The following TCF7L1 variants were observed in gnomAD, a reference collection of about 807,000 sequenced individuals.
TCF7L1 encodes transcription factor 7-like 1.
A neutral mutation model predicts 63.7 loss-of-function variants in TCF7L1; 18 were observed. The ratio of observed to expected loss-of-function variants is 0.28; its 90% CI spans 0.20 to 0.42. TCF7L1 has a LOEUF of 0.42. TCF7L1 is among the 10% of genes least tolerant of loss of function. TCF7L1 has a pLI of 1.00. For synonymous variants in TCF7L1, 355 were observed against 340.9 expected (o/e 1.04, Z -0.46); for missense variants, 654 against 779.3 (o/e 0.84, Z 1.91).
At chr2:85,168,551 C>T (rs996882757) in intron 3 of TCF7L1, among the ~76,000 whole-genome samples, 7 of 151,568 alleles carry the variant, frequency 4.6e-5, no homozygotes, top group Admixed American at 2.6e-4. Context: ...ATCCACCCAC[C>T]GCCTGGTAGA....
chr2:85,224,247 A>G lies in TCF7L1; in HGVS notation c.442-59248A>G, dbSNP rs149521336. On this transcript the variant is annotated intron_variant, in intron 3 of 11. Transcript: ENST00000282111. ...TATTGTGAATAGTGCCACAGTAAAC[A>G]TACATGTGCATATGTCTTTATAGTA... Among the ~76,000 whole-genome samples, 491 of 152,350 alleles carry G rather than the reference A, an allele frequency of 3.2e-3. 3 individuals are homozygous for G. Among genetic ancestry groups the G allele is most frequent in the African/African-American group, 0.011 (474 of 41,576 alleles).
At chr2:85,147,122 G>A (rs1028067411) in intron 3 of TCF7L1, among the ~76,000 whole-genome samples, 5 of 151,400 alleles carry the variant, frequency 3.3e-5, no homozygotes, top group Non-Finnish European at 7.4e-5. Context: ...GGAAAAGTTC[G>A]GAATTAAAAA....
chr2:85,210,855 A>G (rs1274936145), intron 3 of TCF7L1, among the ~76,000 whole-genome samples: 1 of 152,166 alleles, frequency 6.6e-6, no homozygotes, highest in Non-Finnish European at 1.5e-5. Context: ...TTACCTCCAC[A>G]TGCAGGGAGG....
At chr2:85,225,234 T>C (rs1679930919) in intron 3 of TCF7L1, among the ~76,000 whole-genome samples, 1 of 152,214 alleles carries the variant, frequency 6.6e-6, no homozygotes, top group Non-Finnish European at 1.5e-5. Context: ...CTTTGTTCTT[T>C]TTGCTTAGGA....
intron 4 of TCF7L1, among the ~76,000 whole-genome samples, chr2:85,296,708 A>T (rs1681844966): frequency 6.6e-6 from 1 of 151,960 alleles, no homozygotes. Context: ...TGAAATTCTT[A>T]CTCATGTCTC....
chr2:85,291,494 G>A (rs572233431), intron 4 of TCF7L1, among the ~76,000 whole-genome samples: 41 of 152,238 alleles, frequency 2.7e-4, no homozygotes, highest in Admixed American at 1.1e-3. Flanking sequence ...AAGCCTCACC[G>A]GAAGCACCTT....
chr2:85,216,009 G>T (rs1000563957), intron 3 of TCF7L1, among the ~76,000 whole-genome samples: 14 of 152,140 alleles, frequency 9.2e-5, no homozygotes, highest in Non-Finnish European at 1.5e-5. Flanking sequence ...TGAAATGTTG[G>T]CGCTGGGCGG....
chr2:85,275,432 T>C (rs970909561), intron 3 of TCF7L1, among the ~76,000 whole-genome samples: 1 of 152,166 alleles, frequency 6.6e-6, no homozygotes, highest in Non-Finnish European at 1.5e-5. Context: ...AAAGAATCAT[T>C]TGGGGAAAGC....
chr2:85,309,477 C>T lies in TCF7L1; in HGVS notation c.*15C>T. ...CTGCCCACTAAGCTCCCCCCGACCC[C>T]TGCAGGCTGTCACATGACTCATTGA... On this transcript the variant is annotated 3_prime_UTR_variant, in exon 12 of 12. Coordinates refer to ENST00000282111, the MANE Select transcript of TCF7L1 (RefSeq NM_031283.3). The T allele has an allele frequency of 6.6e-7, 1 of 1,517,218 alleles. No individual in the cohort carries two copies. Among genetic ancestry groups the T allele is most frequent in the Non-Finnish European group, 8.8e-7 (1 of 1,134,452 alleles). The allele number at this position is 1,517,218 out of a possible 1,614,324, so 94.0% of individuals were successfully genotyped here. A position where few individuals can be genotyped will look rare whatever the true frequency, so the allele number is the denominator to read the frequency against.
At chr2:85,287,340 A>C (rs1418531458) in intron 4 of TCF7L1, among the ~76,000 whole-genome samples, 1 of 152,216 alleles carries the variant, frequency 6.6e-6, no homozygotes, top group Non-Finnish European at 1.5e-5. Flanking sequence ...TATTCAAATA[A>C]ATCAACTCTT....
At chr2:85,223,329 G>C (rs184082721) in intron 3 of TCF7L1, among the ~76,000 whole-genome samples, 162 of 152,220 alleles carry the variant, frequency 1.1e-3, no homozygotes, top group African/African-American at 3.6e-3. Flanking sequence ...CCAAAGTGCC[G>C]GGATTACAGG....
intron 3 of TCF7L1, among the ~76,000 whole-genome samples, chr2:85,256,753 T>A (rs1680728161): frequency 6.6e-6 from 1 of 152,056 alleles, no homozygotes; most frequent in Non-Finnish European, 1.5e-5. Context: ...GAGGCCGAGG[T>A]GGGTGGATCA....
chr2:85,152,932 CAAG>C (rs1678053554), intron 3 of TCF7L1, among the ~76,000 whole-genome samples: 1 of 152,162 alleles, frequency 6.6e-6, no homozygotes, highest in Non-Finnish European at 1.5e-5. Context: ...ATAAGGGTCA[CAAG>C]GAGATTTTCA....
intron 4 of TCF7L1, among the ~76,000 whole-genome samples, chr2:85,284,645 AC>A (rs1425820988): frequency 1.3e-5 from 2 of 152,208 alleles, no homozygotes; most frequent in African/African-American, 4.8e-5. Context: ...CGCCGACTGT[AC>A]AGTGAGCCTC....
intron 3 of TCF7L1, among the ~76,000 whole-genome samples, chr2:85,281,951 A>G (rs565485354): frequency 2.0e-5 from 3 of 151,870 alleles, no homozygotes; most frequent in Non-Finnish European, 4.4e-5. Flanking sequence ...ATTTTTCCTG[A>G]TATTACATGA....
intron 3 of TCF7L1, among the ~76,000 whole-genome samples, chr2:85,213,976 A>C (rs1451187847): frequency 1.3e-5 from 2 of 152,174 alleles, no homozygotes; most frequent in Non-Finnish European, 2.9e-5. Context: ...CTCCCACCCC[A>C]GTGGGATGCT....
At chr2:85,205,298 ATTTT>A (rs1354816262) in intron 3 of TCF7L1, among the ~76,000 whole-genome samples, 3 of 152,204 alleles carry the variant, frequency 2.0e-5, no homozygotes, top group African/African-American at 2.4e-5. Flanking sequence ...TTTACGTTGC[ATTTT>A]CTCTCTCAGT....
At chr2:85,236,330 A>ATGACCTGGGTCACCATGGT (rs1279128028) in intron 3 of TCF7L1, among the ~76,000 whole-genome samples, 2 of 152,116 alleles carry the variant, frequency 1.3e-5, no homozygotes, top group African/African-American at 4.8e-5. Flanking sequence ...TTGCTTTGAG[A>ATGACCTGGGTCACCATGGT]TGACCTGGGT....
intron 3 of TCF7L1, among the ~76,000 whole-genome samples, chr2:85,170,981 A>G (rs1678532463): frequency 6.6e-6 from 1 of 152,198 alleles, no homozygotes; most frequent in Non-Finnish European, 1.5e-5. Flanking sequence ...GACTTTGGGA[A>G]GGTGCCTGTT....
Sources: allele counts gnomAD v4.1 joint callset (sites outside exome capture counted in the v4.1 genomes callset), GRCh38; gene constraint gnomAD v4.1.1; transcripts MANE v1.5; gene names NCBI Gene and HGNC (gene_info 2026-07-23, HGNC 2026-07-21).